The following DLGAP2 variants were observed in gnomAD, a reference collection of about 807,000 sequenced individuals.
The protein encoded by DLGAP2 is DLG associated protein 2.
DLGAP2 carries 26 observed loss-of-function variants against 100.3 expected under a neutral mutation model. The observed-to-expected ratio is 0.26, with a 90% confidence interval of 0.19 to 0.36. The LOEUF is 0.36. Among genes scored for constraint, DLGAP2 ranks in the 10% least tolerant of loss-of-function variants. The pLI, the probability that DLGAP2 is intolerant of heterozygous loss-of-function variation, is 1.00. For missense variants in DLGAP2, 1,858 were observed against 1,453.2 expected (o/e 1.28, Z -4.53); for synonymous variants, 886 against 630.1 (o/e 1.41, Z -6.08).
chr8:1,636,053 A>T (rs970430185), intron 8 of DLGAP2, among the ~76,000 whole-genome samples: 5 of 152,210 alleles, frequency 3.3e-5, no homozygotes, highest in Non-Finnish European at 7.3e-5. Context: ...AAAACACTGC[A>T]TATTGATTAG....
At chr8:744,629 TCCCGGGGTGCTGGCTGTCTGCTC>T (rs1344797199) in intron 1 of DLGAP2, among the ~76,000 whole-genome samples, 21 of 148,540 alleles carry the variant, frequency 1.4e-4, no homozygotes, top group Admixed American at 2.7e-4. Flanking sequence ...CACGTCGCCC[TCCCGGGGTGCTGGCTGTCTGCTC>T]CCCACGGTCA....
intron 3 of DLGAP2, among the ~76,000 whole-genome samples, chr8:1,441,197 C>A (rs989497776): frequency 6.6e-6 from 1 of 152,124 alleles, no homozygotes; most frequent in Non-Finnish European, 1.5e-5. Context: ...CAGTGTTAAT[C>A]TTTTCATTAA....
intron 3 of DLGAP2, among the ~76,000 whole-genome samples, chr8:1,314,168 A>G (rs1207418605): frequency 6.6e-6 from 1 of 152,238 alleles, no homozygotes. Context: ...CTGTATGATG[A>G]GAAACACACG....
intron 1 of DLGAP2, among the ~76,000 whole-genome samples, chr8:753,033 CTCTG>C (rs1820831792): frequency 6.6e-6 from 1 of 152,228 alleles, no homozygotes; most frequent in South Asian, 2.1e-4. Context: ...CAGATTACAG[CTCTG>C]TCTTTTAACT....
chr8:885,004 T>A (rs1259094225), intron 1 of DLGAP2, among the ~76,000 whole-genome samples: 2 of 152,224 alleles, frequency 1.3e-5, no homozygotes, highest in Admixed American at 6.5e-5. Context: ...TCTGTTTTGG[T>A]GTCAGTATCA....
intron 3 of DLGAP2, among the ~76,000 whole-genome samples, chr8:1,332,926 C>T (rs552002694): frequency 6.6e-6 from 1 of 152,302 alleles, no homozygotes; most frequent in Admixed American, 6.5e-5. Context: ...CTGATGTTTC[C>T]TCAGAGAGCC....
intron 4 of DLGAP2, among the ~76,000 whole-genome samples, chr8:1,545,767 A>C (rs992497132): frequency 1.3e-5 from 2 of 152,266 alleles, no homozygotes; most frequent in African/African-American, 4.8e-5. Flanking sequence ...ATGTGGTATC[A>C]ACATGTGGCA....
chr8:1,260,555 A>G (rs1047117644), intron 3 of DLGAP2, among the ~76,000 whole-genome samples: 15 of 152,170 alleles, frequency 9.9e-5, no homozygotes, highest in African/African-American at 3.6e-4. Context: ...TTTGGACTGA[A>G]TGAAGGCTGG....
intron 1 of DLGAP2, among the ~76,000 whole-genome samples, chr8:753,130 C>G (rs1585825732): frequency 6.6e-6 from 1 of 152,252 alleles, no homozygotes; most frequent in Non-Finnish European, 1.5e-5. Context: ...TTCTGAGAAG[C>G]CAGGAGGGTT....
intron 2 of DLGAP2, among the ~76,000 whole-genome samples, chr8:1,113,893 A>G (rs1385773523): frequency 1.3e-5 from 2 of 152,080 alleles, no homozygotes. Flanking sequence ...TATATTGAGA[A>G]TTTTTAACAT....
At chr8:865,236 T>A (rs993915475) in intron 1 of DLGAP2, among the ~76,000 whole-genome samples, 53 of 152,228 alleles carry the variant, frequency 3.5e-4, no homozygotes, top group African/African-American at 1.2e-3. Context: ...TATGGAAATT[T>A]CCTTTAAGGG....
chr8:1,227,183 A>ATATATATATATATATATATATATATC (rs1563265070), intron 2 of DLGAP2, among the ~76,000 whole-genome samples: 11 of 132,538 alleles, frequency 8.3e-5, no homozygotes, highest in African/African-American at 3.6e-4. Context: ...TAGTATAGAT[A>ATATATATATATATATATATATATATC]TATATTATCC....
At chr8:1,429,738 C>T (rs1797355020) in intron 3 of DLGAP2, among the ~76,000 whole-genome samples, 1 of 151,602 alleles carries the variant, frequency 6.6e-6, no homozygotes, top group South Asian at 2.1e-4. Context: ...TCCCCAGCTT[C>T]AATCCCAGTG....
chr8:1,539,450 C>G (rs531911643), intron 4 of DLGAP2, among the ~76,000 whole-genome samples: 1 of 152,182 alleles, frequency 6.6e-6, no homozygotes, highest in Non-Finnish European at 1.5e-5. Context: ...TCTCGGTGCA[C>G]TGGGAGATAA....
chr8:985,721 AAT>A (rs1287663749), intron 2 of DLGAP2, among the ~76,000 whole-genome samples: 1 of 152,188 alleles, frequency 6.6e-6, no homozygotes, highest in Non-Finnish European at 1.5e-5. Context: ...AAATATTGAG[AAT>A]TTGTCATGAG....
intron 2 of DLGAP2, among the ~76,000 whole-genome samples, chr8:1,233,638 C>G (rs1020487052): frequency 2.0e-5 from 3 of 152,124 alleles, no homozygotes; most frequent in African/African-American, 7.2e-5. Flanking sequence ...ATGGGCAAGA[C>G]TTGCTAAGCT....
intron 2 of DLGAP2, among the ~76,000 whole-genome samples, chr8:1,181,538 G>A (rs1300047344): frequency 2.0e-5 from 3 of 151,918 alleles, no homozygotes; most frequent in East Asian, 3.9e-4. Flanking sequence ...CAGTGGGGCC[G>A]GGTTGAGGGT....
intron 6 of DLGAP2, among the ~76,000 whole-genome samples, chr8:1,567,046 C>T (rs1301357041): frequency 1.3e-5 from 2 of 152,154 alleles, no homozygotes; most frequent in Admixed American, 6.5e-5. Flanking sequence ...AGAACAAAGC[C>T]AAAATGTTGC....
chr8:1,385,853 A>T (rs1376745106), intron 3 of DLGAP2, among the ~76,000 whole-genome samples: 1 of 151,868 alleles, frequency 6.6e-6, no homozygotes, highest in Non-Finnish European at 1.5e-5. Context: ...GTCCCCTGAG[A>T]ACTTGGTGCA....
Sources: gnomAD v4.1 joint callset for allele counts (sites outside exome capture counted in the v4.1 genomes callset) on GRCh38, gnomAD v4.1.1 for gene constraint, MANE v1.5 for transcripts, NCBI Gene and HGNC (gene_info 2026-07-23, HGNC 2026-07-21) for gene names.